CDCA2: variants seen among roughly 807,000 people sequenced by gnomAD.
CDCA2 encodes the protein cell division cycle associated 2, also known as cell division cycle-associated protein 2.
In CDCA2, 44 loss-of-function variants were observed where a neutral mutation model predicts 67.0. The observed-to-expected ratio is 0.66, with a 90% CI of 0.52 to 0.84. CDCA2 has a LOEUF of 0.84. CDCA2 is among the 40% of genes least tolerant of loss of function. The probability of loss-of-function intolerance (pLI) is 0.00; values close to 1 mark genes in which losing one functional copy is unlikely to be tolerated. For missense variants in CDCA2, 1,253 were observed against 1,203.2 expected (o/e 1.04, Z -0.61); for synonymous variants, 447 against 418.7 (o/e 1.07, Z -0.82).
At chr8:25,507,913 A>G (rs896715351), downstream of CDCA2, 2 of 504,734 alleles carry the variant, frequency 4.0e-6, no homozygotes, top group African/African-American at 3.9e-5. Flanking sequence ...CATCATTCAG[A>G]TAGAAAACAT....
intron 12 of CDCA2, 38 bp downstream of exon 12, chr8:25,487,372 A>G: frequency 7.6e-7 from 1 of 1,320,936 alleles, no homozygotes. Flanking sequence ...TTTGTTTTTA[A>G]ATCGTGCAAT....
At chr8:25,460,880 T>C (rs1490110974) in intron 3 of CDCA2, among the ~76,000 whole-genome samples, 1 of 152,210 alleles carries the variant, frequency 6.6e-6, no homozygotes, top group African/African-American at 2.4e-5. Context: ...ATAGTAATAA[T>C]GCATTTTGTT....
At chr8:25,488,794 C>G (rs1803884836) in intron 13 of CDCA2, 105 bp downstream of exon 13, 1 of 1,126,254 alleles carries the variant, frequency 8.9e-7, no homozygotes, top group East Asian at 2.9e-5. Flanking sequence ...GACTTTGGAC[C>G]AAGATTATTA....
intron 13 of CDCA2, among the ~76,000 whole-genome samples, chr8:25,491,569 C>T (rs1804004102): frequency 6.6e-6 from 1 of 152,162 alleles, no homozygotes; most frequent in Non-Finnish European, 1.5e-5. Flanking sequence ...CCCAGCCAGT[C>T]TCAATTAAGT....
intron 5 of CDCA2, among the ~76,000 whole-genome samples, chr8:25,467,679 A>G (rs1802968890): frequency 6.6e-6 from 1 of 152,212 alleles, no homozygotes; most frequent in Non-Finnish European, 1.5e-5. Flanking sequence ...AAAAAACTTA[A>G]TTCTAATAAT....
Position 25,484,326 on chromosome 8 carries a change from TGG to T in CDCA2, c.1365+117_1365+118del, listed in dbSNP as rs1803682571. Reference sequence around the variant, plus strand: ...ATGAGATAGACTAAATGATATGCCATGGTTTAAATTAATCTATTTTGTATGTA... The same window carrying T: ...ATGAGATAGACTAAATGATATGCCATTTTAAATTAATCTATTTTGTATGTA... On this transcript the variant is annotated intron_variant, in intron 10 of 14. Coordinates refer to ENST00000330560, the MANE Select transcript of CDCA2 (RefSeq NM_152562.4). 4 of 1,335,810 alleles carry T rather than the reference TGG, an allele frequency of 3.0e-6. No homozygotes were observed. The African/African-American group carries it at 4.4e-5, about 15-fold the overall frequency. The allele number at this position is 1,335,810 out of a possible 1,614,324, so 82.7% of individuals were successfully genotyped here.
intron 3 of CDCA2, among the ~76,000 whole-genome samples, chr8:25,461,559 A>G (rs1239111736): frequency 6.6e-6 from 1 of 152,212 alleles, no homozygotes; most frequent in Non-Finnish European, 1.5e-5. Flanking sequence ...GGCTGGATTC[A>G]TTTTGTGTGC....
Position 25,484,065 on chromosome 8 carries a change from C to T in CDCA2, c.1220C>T (p.Ser407Phe), listed in dbSNP as rs199672795. Residue 407 changes from serine (S) to phenylalanine (F), a missense_variant, in exon 10 of 15, where the codon TCT becomes TTT. Ser to Phe is a radical substitution (Grantham distance 155). Coordinates refer to ENST00000330560, the MANE Select transcript of CDCA2 (RefSeq NM_152562.4). ...TTAAGCCCGGAAGTGTTTGATGAAT[C>T]TTTGCCAGCAAATACTCCATTGCGT... ...EDLSPEVFDESLPANTPLRKG... is the reference protein window; with the variant it reads ...EDLSPEVFDEFLPANTPLRKG... The T allele has an allele frequency of 5.6e-6, 9 of 1,614,064 alleles. No individual in the cohort carries two copies. The highest frequency in any genetic ancestry group is 3.3e-5 in the Admixed American group (2 of 59,998).
Position 25,488,687 on chromosome 8 carries a change from C to A in CDCA2, c.1669C>A (p.Gln557Lys). Residue 557 changes from glutamine to lysine, a missense_variant and splice_region_variant, in exon 13 of 15, where the codon CAG becomes AAG. By Grantham distance (53) the Gln-to-Lys change is moderately conservative. Transcript: ENST00000330560. ...CTKRALPKKS[Q>K]VLKSCRKKKG... Reference sequence around the variant, plus strand: ...AAAGAGAGCACTTCCTAAGAAGAGTCAGGTAAGCATGTGTTTAAAGATATA... The same window carrying A: ...AAAGAGAGCACTTCCTAAGAAGAGTAAGGTAAGCATGTGTTTAAAGATATA... The A allele has an allele frequency of 6.2e-7, 1 of 1,601,636 alleles. No individual in the cohort carries two copies. The highest frequency in any genetic ancestry group is 1.1e-5 in the South Asian group (1 of 88,786).
At chr8:25,492,076 G>A (rs1188807515) in intron 13 of CDCA2, among the ~76,000 whole-genome samples, 1 of 151,122 alleles carries the variant, frequency 6.6e-6, no homozygotes, top group Non-Finnish European at 1.5e-5. Context: ...GATTACAGGC[G>A]TGAGCCACCA....
At chr8:25,500,804 A>C (rs1804443628) in intron 13 of CDCA2, among the ~76,000 whole-genome samples, 1 of 152,212 alleles carries the variant, frequency 6.6e-6, no homozygotes, top group Non-Finnish European at 1.5e-5. Context: ...CAACTCATTT[A>C]ATATTCCCCA....
chr8:25,475,619 C>G (rs1043960350), intron 7 of CDCA2, among the ~76,000 whole-genome samples: 17 of 152,252 alleles, frequency 1.1e-4, no homozygotes, highest in African/African-American at 4.1e-4. Flanking sequence ...TGTGGGCAAT[C>G]ACTGACCTAC....
At chr8:25,461,546 A>C (rs139551356) in intron 3 of CDCA2, among the ~76,000 whole-genome samples, 125 of 152,322 alleles carry the variant, frequency 8.2e-4, no homozygotes, top group African/African-American at 2.8e-3. Context: ...TAGACCTTTA[A>C]AAGGCTGGAT....
intron 13 of CDCA2, among the ~76,000 whole-genome samples, chr8:25,497,509 A>T (rs1003027868): frequency 8.6e-5 from 8 of 92,992 alleles, no homozygotes; most frequent in South Asian, 7.7e-4. Flanking sequence ...TAAAAAATAA[A>T]AAAAAAAAAA....
intron 13 of CDCA2, among the ~76,000 whole-genome samples, chr8:25,502,432 G>A (rs897529380): frequency 6.6e-6 from 1 of 151,854 alleles, no homozygotes; most frequent in African/African-American, 2.4e-5. Context: ...ATATTATTAA[G>A]CGACTTTTAA....
At chr8:25,484,952 G>A (rs1354970906) in intron 10 of CDCA2, among the ~76,000 whole-genome samples, 1 of 152,090 alleles carries the variant, frequency 6.6e-6, no homozygotes, top group African/African-American at 2.4e-5. Flanking sequence ...CAGTATCCTT[G>A]TAAACATAGC....
chr8:25,490,672 G>A (rs562820737), intron 13 of CDCA2, among the ~76,000 whole-genome samples: 1 of 152,080 alleles, frequency 6.6e-6, no homozygotes, highest in Non-Finnish European at 1.5e-5. Context: ...GCACCAGTTG[G>A]CACACCAGCC....
In CDCA2 at chr8:25,468,546, T is replaced by TGTGTGTGTGC. The variant is rs1803021680; in HGVS notation, c.735+142_735+143insCGTGTGTGTG. ...GTGGTTCCTGGGGTGTGTGTGTGTGTGTGTGTGTGTGCGTGTGTGTGTGTG... is the reference window on the plus strand; with the variant it reads ...GTGGTTCCTGGGGTGTGTGTGTGTGTGTGTGTGTGCGTGTGTGTGTGCGTGTGTGTGTGTG... On this transcript the variant is annotated intron_variant, in intron 6 of 14. Transcript: ENST00000330560. 7.7e-6 allele frequency: 4 copies of TGTGTGTGTGC among 518,838 alleles called. No homozygotes were observed. In the Admixed American group the frequency reaches 1.1e-4, roughly 14 times the overall value. The allele number at this position is 518,838 out of a possible 1,614,324, so 32.1% of individuals were successfully genotyped here.
chr8:25,471,022 A>G (rs1803132295), intron 7 of CDCA2, among the ~76,000 whole-genome samples: 1 of 152,136 alleles, frequency 6.6e-6, no homozygotes, highest in African/African-American at 2.4e-5. Context: ...TTGGCCTCCT[A>G]AAGTCCTGGG....
Sources: allele counts gnomAD v4.1 joint callset (sites outside exome capture counted in the v4.1 genomes callset), GRCh38; gene constraint gnomAD v4.1.1; transcripts MANE v1.5; gene names NCBI Gene and HGNC (gene_info 2026-07-23, HGNC 2026-07-21).